Variants in SCN2A observed in about 807,000 individuals in gnomAD.
SCN2A encodes sodium voltage-gated channel alpha subunit 2.
Under a neutral mutation model 188.7 loss-of-function variants are expected in SCN2A, and 20 were observed. The observed-to-expected ratio is 0.11, with a 90% CI of 0.07 to 0.15. The LOEUF is 0.15. Among genes scored for constraint, SCN2A ranks in the 10% least tolerant of loss-of-function variants. The pLI is 1.00. For missense variants in SCN2A, 1,278 were observed against 2,445.0 expected (o/e 0.52, Z 10.07); for synonymous variants, 804 against 833.1 (o/e 0.97, Z 0.60).
At chr2:165,251,485 G>T (rs1194175475) in intron 1 of SCN2A, among the ~76,000 whole-genome samples, 1 of 151,962 alleles carries the variant, frequency 6.6e-6, no homozygotes, top group Non-Finnish European at 1.5e-5. Context: ...GATATGTTAG[G>T]TCTCTTCTGG....
intron 1 of SCN2A, chr2:165,285,282 C>T (rs1282329120): frequency 6.5e-6 from 1 of 154,606 alleles, no homozygotes; most frequent in Non-Finnish European, 1.5e-5. Flanking sequence ...TGACATCAGT[C>T]ACCAATGACA....
rs150786643 is a variant in SCN2A, at chr2:165,368,175, C to T, written c.3675+804C>T. On this transcript the variant is annotated intron_variant, in intron 19 of 26. Coordinates refer to ENST00000375437, the MANE Select transcript of SCN2A (RefSeq NM_001040142.2). ...GAGATGGAGCAGGAAGGTAATCTTC[C>T]CCTGGAGTCTGGCCATCCCCAGCCA... Among the ~76,000 whole-genome samples the T allele has an allele frequency of 3.9e-3, 600 of 152,132 alleles. 4 individuals are homozygous for T. The highest frequency in any genetic ancestry group is 7.0e-3 in the Non-Finnish European group (473 of 67,988).
chr2:165,347,792 T>G (rs969502938), intron 16 of SCN2A, among the ~76,000 whole-genome samples: 4 of 152,172 alleles, frequency 2.6e-5, no homozygotes, highest in Non-Finnish European at 5.9e-5. Flanking sequence ...AATGTAAACC[T>G]TGCTTTACAA....
At chr2:165,380,556 C>G in intron 23 of SCN2A, 36 bp from the exon 24 acceptor site, 1 of 1,482,816 alleles carries the variant, frequency 6.7e-7, no homozygotes, top group South Asian at 1.1e-5. Flanking sequence ...GAAACAAGTA[C>G]TAGATATAAT....
intron 3 of SCN2A, among the ~76,000 whole-genome samples, chr2:165,298,057 C>G (rs1018258612): frequency 6.6e-6 from 1 of 152,026 alleles, no homozygotes; most frequent in African/African-American, 2.4e-5. Context: ...GGCATTTACA[C>G]GAAGAACACA....
chr2:165,252,132 G>GA lies in SCN2A; in HGVS notation c.-52+12501dup, dbSNP rs200670366. On this transcript the variant is annotated intron_variant, in intron 1 of 26. Coordinates refer to ENST00000375437, the MANE Select transcript of SCN2A (RefSeq NM_001040142.2). Reference sequence around the variant, plus strand: ...AATCCCATAGACAAGATCTAAGTACGAAAAAAAAATAGAAGCAAGTCAGGA... The same window carrying GA: ...AATCCCATAGACAAGATCTAAGTACGAAAAAAAAAATAGAAGCAAGTCAGGA... Among the ~76,000 whole-genome samples the GA allele has an allele frequency of 7.7e-3, 1,141 of 148,506 alleles. 22 individuals are homozygous for GA. The highest frequency in any genetic ancestry group is 0.026 in the African/African-American group (1,041 of 40,632).
chr2:165,265,563 G>A (rs10930154), intron 1 of SCN2A, among the ~76,000 whole-genome samples: 46,593 of 122,126 alleles, frequency 0.38, 8,866 homozygotes, highest in African/African-American at 0.48. Flanking sequence ...ATCTTTTATC[G>A]TATCCCTTAA....
chr2:165,314,147 T>G (rs776895121), intron 10 of SCN2A, 39 bp downstream of exon 10: 2 of 1,588,852 alleles, frequency 1.3e-6, no homozygotes, highest in African/African-American at 2.7e-5. Flanking sequence ...TTTTTCTTTA[T>G]CTAAATTCTT....
intron 3 of SCN2A, among the ~76,000 whole-genome samples, chr2:165,307,219 A>G (rs1175156571): frequency 6.6e-6 from 1 of 152,170 alleles, no homozygotes; most frequent in Admixed American, 6.5e-5. Context: ...CTTCATAGCA[A>G]TCCTGTTACA....
chr2:165,271,650 C>A (rs1695109833), intron 1 of SCN2A: 2 of 152,134 alleles, frequency 1.3e-5, no homozygotes, highest in South Asian at 4.2e-4. Context: ...CAAATGTATT[C>A]CCCTGTCTGG....
rs554095167 is a variant in SCN2A at position 165,370,435 on chromosome 2, G to T, written c.3849+136G>T. 3 of 912,590 alleles carry T rather than the reference G, an allele frequency of 3.3e-6. No homozygotes were observed. In the African/African-American group the frequency reaches 4.9e-5, roughly 15 times the overall value. 56.5% of individuals were successfully genotyped at this position (912,590 alleles called of 1,614,324 possible). ...AATTATGTTTCTCATTTCACAGTGA[G>T]AGGATGCCTCAAAACATTTTTTACC... On this transcript the variant is annotated intron_variant, in intron 20 of 26. Coordinates refer to ENST00000375437, the MANE Select transcript of SCN2A (RefSeq NM_001040142.2).
chr2:165,389,914 C>G lies in SCN2A; in HGVS notation c.*90C>G. 1.3e-6 allele frequency: 2 copies of G among 1,520,642 alleles called. No homozygotes were observed. The highest frequency in any genetic ancestry group is 1.3e-5 in the South Asian group (1 of 79,826). 94.2% of individuals were successfully genotyped at this position (1,520,642 alleles called of 1,614,324 possible). ...TGTCAACAGGACTCCCACAGGAGGT[C>G]TATGCCAAACTGACTGTTTTTACAA... On this transcript the variant is annotated 3_prime_UTR_variant, in exon 27 of 27. Transcript: ENST00000375437. The surrounding 1 kb of genome is among the most constrained non-coding windows in gnomAD (Gnocchi z 4.2).
chr2:165,283,768 G>C (rs1695693817), intron 1 of SCN2A, among the ~76,000 whole-genome samples: 2 of 152,126 alleles, frequency 1.3e-5, no homozygotes, highest in Non-Finnish European at 2.9e-5. Flanking sequence ...CCCTGGGGGA[G>C]AAATGGAACA....
At chr2:165,327,396 G>T in intron 13 of SCN2A, 1 of 202,938 alleles carries the variant, frequency 4.9e-6, no homozygotes, top group Admixed American at 5.4e-5. Context: ...ATGTGAATTA[G>T]GGTTTGATAT....
intron 3 of SCN2A, 28 bp downstream of exon 3, chr2:165,297,163 A>G: frequency 7.6e-7 from 1 of 1,323,978 alleles, no homozygotes; most frequent in South Asian, 1.2e-5. Context: ...GTCACTTAAT[A>G]TGATTTTCTT....
intron 1 of SCN2A, among the ~76,000 whole-genome samples, chr2:165,291,470 C>CT (rs1417693758): frequency 1.5e-4 from 6 of 40,038 alleles, no homozygotes; most frequent in Admixed American, 3.0e-4. Context: ...TTCTTTCTTT[C>CT]TTTCTTTCTT....
At chr2:165,251,609 A>G (rs1255112051) in intron 1 of SCN2A, among the ~76,000 whole-genome samples, 2 of 152,056 alleles carry the variant, frequency 1.3e-5, no homozygotes, top group African/African-American at 4.8e-5. Flanking sequence ...TAAACACCAC[A>G]ACTCCTGCCA....
rs10204241 is a variant in SCN2A, at chr2:165,388,195, C to T, written c.4823-434C>T. On this transcript the variant is annotated intron_variant, in intron 26 of 26. Transcript: ENST00000375437. The stretch of plus-strand genomic sequence containing the variant: ...AGCCTATGTTTTCTTCTGTACATCA[C>T]GCTGCCTACTCCCAAATAACATAGA... Among the ~76,000 whole-genome samples, 760 of 152,252 alleles carry T rather than the reference C, an allele frequency of 5.0e-3. 4 individuals are homozygous for T. Among genetic ancestry groups the T allele is most frequent in the African/African-American group, 0.017 (727 of 41,566 alleles).
Position 165,374,822 on chromosome 2 carries a change from C to T in SCN2A, c.4110C>T (p.Thr1370=), listed in dbSNP as rs148868382. Residue 1370 remains threonine (T), a synonymous_variant, in exon 22 of 27, where the codon ACC becomes ACT. Coordinates refer to ENST00000375437, the MANE Select transcript of SCN2A (RefSeq NM_001040142.2). The part of the protein sequence containing the change: ...AGKFYHCINY[T]TGEMFDVSVV... Reference sequence around the variant, plus strand: ...AGTTTTACCATTGTATTAATTACACCACTGGAGAGATGTTTGATGTAAGCG... The same window carrying T: ...AGTTTTACCATTGTATTAATTACACTACTGGAGAGATGTTTGATGTAAGCG... The T allele has an allele frequency of 9.9e-6, 16 of 1,613,530 alleles. No homozygotes were observed. The African/African-American group carries it at 2.0e-4, about 20-fold the overall frequency.
Sources: gnomAD v4.1 joint callset for allele counts (sites outside exome capture counted in the v4.1 genomes callset) on GRCh38, gnomAD v4.1.1 for gene constraint, Gnocchi (gnomAD v3.1) non-coding constraint, MANE v1.5 for transcripts, NCBI Gene and HGNC (gene_info 2026-07-23, HGNC 2026-07-21) for gene names.